Variants in HDAC9 observed in about 807,000 individuals in gnomAD.
The protein encoded by HDAC9 is histone deacetylase 9, also known as MEF-2 interacting transcription repressor (MITR) protein.
A neutral mutation model predicts 139.4 loss-of-function variants in HDAC9; 41 were observed. The observed-to-expected ratio is 0.29, with a 90% confidence interval of 0.23 to 0.38. The LOEUF (loss-of-function observed/expected upper bound fraction) is 0.38, where lower values mean the gene tolerates loss of function less well. Among genes scored for constraint, HDAC9 ranks in the 10% least tolerant of loss-of-function variants. HDAC9 has a pLI of 1.00. For missense variants in HDAC9, 1,147 were observed against 1,297.0 expected (o/e 0.88, Z 1.78); for synonymous variants, 517 against 476.2 (o/e 1.09, Z -1.12).
At chr7:18,223,876 C>T (rs1364015738) in intron 2 of HDAC9, among the ~76,000 whole-genome samples, 1 of 152,234 alleles carries the variant, frequency 6.6e-6, no homozygotes, top group East Asian at 1.9e-4. Context: ...CGACTATTCA[C>T]ACATATCTTT....
chr7:18,692,156 T>C (rs1195727863), intron 12 of HDAC9, among the ~76,000 whole-genome samples: 1 of 151,654 alleles, frequency 6.6e-6, no homozygotes, highest in Non-Finnish European at 1.5e-5. Context: ...ACCATTACTC[T>C]TCTTAAGAAT....
Position 18,462,668 on chromosome 7 carries a change from T to G in HDAC9, c.-41-33594T>G, listed in dbSNP as rs569375515. ...TTGTGACTGGCCTTTTTATTCAAAC[T>G]TAAGTTGGTGAGATTGATTCACAAT... On this transcript the variant is annotated intron_variant, in intron 1 of 3. Coordinates refer to the HDAC9 transcript ENST00000413509. 2.0e-5 allele frequency among the ~76,000 whole-genome samples: 3 copies of G among 152,170 alleles called. No homozygotes were observed. In the East Asian group the frequency reaches 5.8e-4, roughly 29 times the overall value.
chr7:18,471,010 C>CT lies in HDAC9; in HGVS notation c.-41-25242dup, dbSNP rs998278511. Among the ~76,000 whole-genome samples, 73 of 148,806 alleles carry CT rather than the reference C, an allele frequency of 4.9e-4. 1 individual carries two copies. Among genetic ancestry groups the CT allele is most frequent in the African/African-American group, 1.7e-3 (69 of 40,602 alleles). On this transcript the variant is annotated intron_variant, in intron 1 of 3. Transcript: ENST00000413509. Reference sequence around the variant, plus strand: ...ATTTAGCTTGAATAGTTACTTTGAACTTTTTTTTTTATTTTGAACTATATT... The same window carrying CT: ...ATTTAGCTTGAATAGTTACTTTGAACTTTTTTTTTTTATTTTGAACTATATT...
intron 24 of HDAC9, among the ~76,000 whole-genome samples, chr7:18,967,535 A>C (rs1783952341): frequency 7.2e-6 from 1 of 139,352 alleles, no homozygotes; most frequent in Admixed American, 7.1e-5. Flanking sequence ...TGTTATTGTG[A>C]AAGCTATTTG....
intron 1 of HDAC9, among the ~76,000 whole-genome samples, chr7:18,159,695 C>A (rs924162944): frequency 2.6e-5 from 4 of 151,872 alleles, no homozygotes; most frequent in African/African-American, 9.7e-5. Flanking sequence ...GCAGCTGTGG[C>A]AGTAATGATA....
rs139414545 is a variant in HDAC9 at position 18,165,578 on chromosome 7, G to A, written c.25+3229G>A. On this transcript the variant is annotated intron_variant, in intron 2 of 12. Transcript: ENST00000417496. Reference sequence around the variant, plus strand: ...TAGGTGGGAAGATTGCTTGAGCCCCGGGGTTCGAGACTAGCCTGGGCAATA... The same window carrying A: ...TAGGTGGGAAGATTGCTTGAGCCCCAGGGTTCGAGACTAGCCTGGGCAATA... Among the ~76,000 whole-genome samples the A allele has an allele frequency of 2.5e-4, 38 of 152,154 alleles. No individual in the cohort carries two copies. The East Asian group carries it at 6.4e-3, about 25-fold the overall frequency.
At chr7:18,484,365 G>A (rs974585096) in intron 1 of HDAC9, among the ~76,000 whole-genome samples, 2 of 151,444 alleles carry the variant, frequency 1.3e-5, no homozygotes, top group African/African-American at 2.4e-5. Flanking sequence ...TATAGGTATT[G>A]AAATACAAAG....
chr7:18,395,619 T>A (rs1418504601), intron 1 of HDAC9, among the ~76,000 whole-genome samples: 1 of 151,892 alleles, frequency 6.6e-6, no homozygotes, highest in Non-Finnish European at 1.5e-5. Context: ...AGTTTGATTA[T>A]TTTTTCCTGA....
intron 1 of HDAC9, among the ~76,000 whole-genome samples, chr7:18,487,431 G>T (rs1288767584): frequency 6.6e-6 from 1 of 152,064 alleles, no homozygotes; most frequent in Non-Finnish European, 1.5e-5. Context: ...GTTAGGGGTT[G>T]AACTCCTAGG....
chr7:18,431,640 C>CATT (rs1275756672), intron 1 of HDAC9, among the ~76,000 whole-genome samples: 1 of 152,140 alleles, frequency 6.6e-6, no homozygotes, highest in East Asian at 1.9e-4. Context: ...TTGCTACTAA[C>CATT]ATTATTATTA....
At chr7:18,130,300 T>A (rs1784922267) in intron 1 of HDAC9, among the ~76,000 whole-genome samples, 1 of 152,020 alleles carries the variant, frequency 6.6e-6, no homozygotes, top group African/African-American at 2.4e-5. Context: ...TCAACCTGTA[T>A]AAAGGCCCTG....
chr7:18,786,663 T>G (rs1273126203), intron 16 of HDAC9, among the ~76,000 whole-genome samples: 1 of 118,824 alleles, frequency 8.4e-6, no homozygotes, highest in Non-Finnish European at 1.8e-5. Flanking sequence ...CTTTCCTCCC[T>G]TCCTCCCTTC....
At chr7:18,787,848 TC>T (rs1791951527) in intron 16 of HDAC9, among the ~76,000 whole-genome samples, 1 of 152,242 alleles carries the variant, frequency 6.6e-6, no homozygotes, top group African/African-American at 2.4e-5. Context: ...AGTGATCCTC[TC>T]CATAATTAAT....
intron 12 of HDAC9, among the ~76,000 whole-genome samples, chr7:18,691,308 G>C (rs1288177452): frequency 2.0e-5 from 3 of 151,944 alleles, no homozygotes; most frequent in Non-Finnish European, 4.4e-5. Flanking sequence ...CCTCATTAAT[G>C]CTAACAGACA....
intron 22 of HDAC9, among the ~76,000 whole-genome samples, chr7:18,926,314 T>C (rs1804223571): frequency 6.6e-6 from 1 of 152,092 alleles, no homozygotes; most frequent in African/African-American, 2.4e-5. Flanking sequence ...GCCACTACAC[T>C]CCAGCCTGGA....
intron 17 of HDAC9, among the ~76,000 whole-genome samples, chr7:18,824,185 G>A (rs371851370): frequency 5.9e-5 from 9 of 152,114 alleles, no homozygotes; most frequent in South Asian, 2.1e-4. Flanking sequence ...GAGGGAAGAC[G>A]GCTGTCTGCA....
intron 22 of HDAC9, among the ~76,000 whole-genome samples, chr7:18,902,678 AC>A (rs2129282128): frequency 6.6e-6 from 1 of 152,324 alleles, no homozygotes; most frequent in East Asian, 1.9e-4. Flanking sequence ...AAATATGCTT[AC>A]CTCAGGATAT....
At chr7:18,601,123 T>C (rs2704280) in intron 6 of HDAC9, among the ~76,000 whole-genome samples, 71,840 of 152,076 alleles carry the variant, frequency 0.47, 18,544 homozygotes, top group Middle Eastern at 0.61. Flanking sequence ...AATAATTCTT[T>C]CATTTAGATT....
chr7:18,179,746 A>G (rs186620488), intron 2 of HDAC9, among the ~76,000 whole-genome samples: 2 of 152,246 alleles, frequency 1.3e-5, no homozygotes, highest in Non-Finnish European at 2.9e-5. Context: ...AACACCTGTC[A>G]TCTATCTTTT....
Sources: allele counts gnomAD v4.1 joint callset (sites outside exome capture counted in the v4.1 genomes callset), GRCh38; gene constraint gnomAD v4.1.1; transcripts MANE v1.5; gene names NCBI Gene and HGNC (gene_info 2026-07-23, HGNC 2026-07-21).